Variants in SHANK2 observed in about 807,000 individuals in gnomAD.
The protein encoded by SHANK2 is SH3 and multiple ankyrin repeat domains protein 2.
A neutral mutation model predicts 133.7 loss-of-function variants in SHANK2; 43 were observed. The observed-to-expected ratio is 0.32, with a 90% CI of 0.25 to 0.41. SHANK2 has a LOEUF of 0.41. Among genes scored for constraint, SHANK2 ranks in the 10% least tolerant of loss-of-function variants. The pLI is 1.00. For synonymous variants in SHANK2, 1,017 were observed against 952.8 expected, an observed-to-expected ratio of 1.07 and a Z score of -1.24; for missense variants, 1,994 against 2,235.8, an observed-to-expected ratio of 0.89 and a Z score of 2.18.
intron 14 of SHANK2, among the ~76,000 whole-genome samples, chr11:70,702,789 T>C (rs1181118639): frequency 1.3e-5 from 2 of 152,146 alleles, no homozygotes; most frequent in African/African-American, 4.8e-5. Context: ...AGTAGCAGAG[T>C]GCAATGATAA....
chr11:70,863,368 C>T, intron 11 of SHANK2: 1 of 458,004 alleles, frequency 2.2e-6, no homozygotes, highest in Admixed American at 2.3e-5. Flanking sequence ...CCGACCTCAT[C>T]CTGGTTCATC....
intron 10 of SHANK2, among the ~76,000 whole-genome samples, chr11:70,902,460 T>C (rs1030028964): frequency 6.6e-6 from 1 of 152,192 alleles, no homozygotes; most frequent in Non-Finnish European, 1.5e-5. Context: ...CCTGTCTCCC[T>C]CAGAGCTGGG....
chr11:71,220,480 C>T (rs1391835984), intron 2 of SHANK2, among the ~76,000 whole-genome samples: 1 of 152,116 alleles, frequency 6.6e-6, no homozygotes, highest in Non-Finnish European at 1.5e-5. Context: ...TATCCGCACA[C>T]CTATGTTCAC....
intron 14 of SHANK2, among the ~76,000 whole-genome samples, chr11:70,750,258 G>A (rs1454337437): frequency 2.6e-5 from 4 of 152,222 alleles, no homozygotes; most frequent in Admixed American, 1.3e-4. Context: ...GATAAAAAGA[G>A]CTTCAAGAAA....
intron 14 of SHANK2, among the ~76,000 whole-genome samples, chr11:70,764,329 A>G (rs1277989166): frequency 1.0e-4 from 14 of 139,086 alleles, no homozygotes; most frequent in African/African-American, 3.9e-4. Context: ...TCCTCCTTCT[A>G]TCCATCTATA....
intron 10 of SHANK2, among the ~76,000 whole-genome samples, chr11:70,921,998 A>T (rs1555080768): frequency 6.6e-6 from 1 of 152,242 alleles, no homozygotes; most frequent in Non-Finnish European, 1.5e-5. Context: ...GCAGCGAAGA[A>T]CTTAAAAATG....
chr11:70,744,232 G>A (rs1163916368), intron 14 of SHANK2, among the ~76,000 whole-genome samples: 1 of 152,242 alleles, frequency 6.6e-6, no homozygotes, highest in Non-Finnish European at 1.5e-5. Flanking sequence ...GCACAGGGTG[G>A]GTCTCTGGCC....
intron 17 of SHANK2, among the ~76,000 whole-genome samples, chr11:70,636,108 TC>T (rs1555003902): frequency 6.6e-6 from 1 of 152,254 alleles, no homozygotes; most frequent in East Asian, 1.9e-4. Flanking sequence ...TGGGGAGCCT[TC>T]CCTGACCACT....
rs60962829 is a variant in SHANK2 at position 70,890,476 on chromosome 11, TAA to T, written c.1174+6023_1174+6024del. ...GAACATGGTGAAACCCTGTCTCTAC[TAA>T]AAAAAAAAACAAAAAAAACAAAAAA... On this transcript the variant is annotated intron_variant, in intron 11 of 25. Coordinates refer to ENST00000601538, the MANE Select transcript of SHANK2 (RefSeq NM_012309.5). Among the ~76,000 whole-genome samples the T allele has an allele frequency of 4.8e-3, 689 of 142,532 alleles. 7 individuals are homozygous for T. The highest frequency in any genetic ancestry group is 0.017 in the African/African-American group (648 of 37,690). 93.5% of individuals were successfully genotyped at this position (142,532 alleles called of 152,430 possible).
rs1190471594 is a variant in SHANK2 at position 71,147,323 on chromosome 11, G to T, written c.4C>A (p.Pro2Thr). MPRSPTSSEDEM... is the reference protein window; with the variant it reads MTRSPTSSEDEM... Reference sequence around the variant, plus strand: ...TCCTCGCTGGATGTTGGGCTGCGCGGCATGGCTGCCTGTGTCTTCGAGGTG... The same window carrying T: ...TCCTCGCTGGATGTTGGGCTGCGCGTCATGGCTGCCTGTGTCTTCGAGGTG... The change falls in exon 3 of 26, where the codon CCG (proline) becomes ACG (threonine). Residue 2 changes from proline (P) to threonine (T), a missense_variant. By Grantham distance (38) the Pro-to-Thr change is conservative. Around this residue, in one of 5 missense-constraint regions of SHANK2, gnomAD observed 653 missense variants for 563.4 expected, o/e 1.16. Transcript: ENST00000601538. The T allele has an allele frequency of 4.5e-6, 7 of 1,546,880 alleles. No homozygotes were observed. Among genetic ancestry groups the T allele is most frequent in the Non-Finnish European group, 5.2e-6 (6 of 1,144,004 alleles).
chr11:71,234,209 A>T (rs1262365829), intron 1 of SHANK2, among the ~76,000 whole-genome samples: 2 of 146,602 alleles, frequency 1.4e-5, no homozygotes, highest in South Asian at 2.2e-4. Flanking sequence ...AAAAAAAAAA[A>T]ATATCAGCTG....
At chr11:70,935,715 A>G (rs1342845186) in intron 10 of SHANK2, among the ~76,000 whole-genome samples, 1 of 152,188 alleles carries the variant, frequency 6.6e-6, no homozygotes, top group Admixed American at 6.5e-5. Flanking sequence ...AGACATGAAA[A>G]AAACAGACTC....
At position 70,807,658 on chromosome 11, in the gene SHANK2, C is replaced by T. The variant is rs782018267; in HGVS notation, c.1494-487G>A. 6.6e-6 allele frequency among the ~76,000 whole-genome samples: 1 copy of T among 152,086 alleles called. No homozygotes were observed. The highest frequency in any genetic ancestry group is 1.5e-5 in the Non-Finnish European group (1 of 68,016). On this transcript the variant is annotated intron_variant, in intron 12 of 25. Transcript: ENST00000601538. The surrounding 1 kb of genome is among the most constrained non-coding windows in gnomAD (Gnocchi z 4.8). ...CAGCACGGCCAACATGGTGAAACCT[C>T]GTTGGTACTAAAAATTCAAAAAATA... is the stretch of plus-strand genomic sequence containing the variant.
At chr11:71,150,608 A>G (rs1245348829) in intron 2 of SHANK2, among the ~76,000 whole-genome samples, 23 of 152,084 alleles carry the variant, frequency 1.5e-4, no homozygotes, top group African/African-American at 4.8e-4. Flanking sequence ...CTGTGCACCA[A>G]TTATACATGA....
At position 70,471,264 on chromosome 11, in the gene SHANK2, G is replaced by GAA. The variant is rs879990185; in HGVS notation, c.*1603_*1604dup. 35 of 342,370 alleles carry GAA rather than the reference G, an allele frequency of 1.0e-4. No individual in the cohort carries two copies. Among genetic ancestry groups the GAA allele is most frequent in the Middle Eastern group, 1.4e-3 (2 of 1,432 alleles). 21.2% of individuals were successfully genotyped at this position (342,370 alleles called of 1,614,324 possible). The stretch of plus-strand genomic sequence containing the variant: ...TTCCAGACCTAATCAAGAAAAAAAG[G>GAA]AAAAAAAAAAAACAAAACCATGTTT... On this transcript the variant is annotated 3_prime_UTR_variant, in exon 26 of 26. Transcript: ENST00000601538. The surrounding 1 kb of genome is among the most constrained non-coding windows in gnomAD (Gnocchi z 4.1).
intron 10 of SHANK2, among the ~76,000 whole-genome samples, chr11:70,927,890 C>A (rs1950450622): frequency 6.6e-6 from 1 of 152,160 alleles, no homozygotes; most frequent in South Asian, 2.1e-4. Flanking sequence ...TAGCTCTCCC[C>A]AGCTGACTGC....
chr11:70,854,279 G>A (rs1949134610), intron 11 of SHANK2, among the ~76,000 whole-genome samples: 1 of 152,230 alleles, frequency 6.6e-6, no homozygotes, highest in African/African-American at 2.4e-5. Context: ...TGACTGTCAT[G>A]AGTAGGAAAG....
intron 10 of SHANK2, among the ~76,000 whole-genome samples, chr11:70,948,728 C>G (rs145914709): frequency 6.6e-6 from 1 of 152,142 alleles, no homozygotes; most frequent in East Asian, 1.9e-4. Flanking sequence ...AGAGGGGCCA[C>G]GCTCCCAACC....
At chr11:70,919,701 C>A (rs150602669) in intron 10 of SHANK2, among the ~76,000 whole-genome samples, 92 of 152,286 alleles carry the variant, frequency 6.0e-4, no homozygotes, top group African/African-American at 1.8e-3. Flanking sequence ...CTTACTTCTC[C>A]TATCTCAGCG....
Sources: gnomAD v4.1 joint callset for allele counts (sites outside exome capture counted in the v4.1 genomes callset) on GRCh38, gnomAD v4.1.1 for gene constraint, gnomAD v4.1.1 regional missense constraint, Gnocchi (gnomAD v3.1) non-coding constraint, MANE v1.5 for transcripts, NCBI Gene and HGNC (gene_info 2026-07-23, HGNC 2026-07-21) for gene names.